The following ADAM32 variants were observed in gnomAD, a reference collection of about 807,000 sequenced individuals.
ADAM32 encodes ADAM metallopeptidase domain 32, also known as disintegrin and metalloproteinase domain-containing protein 32.
ADAM32 carries 89 observed loss-of-function variants against 114.9 expected under a neutral mutation model. The observed-to-expected ratio is 0.77, with a 90% CI of 0.65 to 0.92. The LOEUF (loss-of-function observed/expected upper bound fraction) is 0.92. Among genes scored for constraint, ADAM32 ranks in the 40% least tolerant of loss-of-function variants. ADAM32 has a pLI of 0.00. For synonymous variants in ADAM32, 285 were observed against 307.5 expected (o/e 0.93, Z 0.77); for missense variants, 870 against 932.8 (o/e 0.93, Z 0.88).
chr8:39,188,379 G>A (rs925828220), intron 11 of ADAM32, among the ~76,000 whole-genome samples: 1 of 151,778 alleles, frequency 6.6e-6, no homozygotes, highest in African/African-American at 2.4e-5. Flanking sequence ...CTATCTGTCT[G>A]TCTGTCTGTC....
At chr8:39,247,778 GTT>G (rs34655354) in intron 17 of ADAM32, among the ~76,000 whole-genome samples, 19 of 139,594 alleles carry the variant, frequency 1.4e-4, no homozygotes, top group Middle Eastern at 3.7e-3. Context: ...GGTCATCCAG[GTT>G]TTTTTTTTTT....
intron 11 of ADAM32, among the ~76,000 whole-genome samples, chr8:39,208,232 A>C (rs74919334): frequency 6.6e-6 from 1 of 151,968 alleles, no homozygotes; most frequent in East Asian, 1.9e-4. Flanking sequence ...ATAGTGTGTA[A>C]TTTTTTGTCT....
intron 15 of ADAM32, among the ~76,000 whole-genome samples, chr8:39,233,520 G>T (rs1010241734): frequency 7.2e-5 from 11 of 152,078 alleles, no homozygotes; most frequent in African/African-American, 2.7e-4. Context: ...AATTTGACTG[G>T]CCTCTTTATC....
At chr8:39,233,792 T>C in intron 15 of ADAM32, 107 bp from the exon 16 acceptor site, 1 of 725,774 alleles carries the variant, frequency 1.4e-6, no homozygotes. Context: ...TGTAAGTACA[T>C]TGCCATAAGT....
At chr8:39,207,360 A>G (rs968156530) in intron 11 of ADAM32, among the ~76,000 whole-genome samples, 2 of 152,000 alleles carry the variant, frequency 1.3e-5, no homozygotes, top group Admixed American at 1.3e-4. Flanking sequence ...TGATAATTTG[A>G]TTTATATATA....
chr8:39,119,286 T>TAA, intron 2 of ADAM32, among the ~76,000 whole-genome samples: 1 of 152,366 alleles, frequency 6.6e-6, no homozygotes, highest in East Asian at 1.9e-4. Flanking sequence ...TAGAAACTGC[T>TAA]ACACTGTTTT....
At chr8:39,194,736 G>A (rs1445002093) in intron 11 of ADAM32, among the ~76,000 whole-genome samples, 1 of 152,170 alleles carries the variant, frequency 6.6e-6, no homozygotes, top group Admixed American at 6.5e-5. Flanking sequence ...AGGTCAGACT[G>A]GCCCCATCTC....
At chr8:39,171,858 T>C (rs1805223699) in intron 10 of ADAM32, among the ~76,000 whole-genome samples, 1 of 151,192 alleles carries the variant, frequency 6.6e-6, no homozygotes. Flanking sequence ...TATCTATATA[T>C]ATGTTAAACA....
At chr8:39,225,004 C>T (rs1411645472) in intron 14 of ADAM32, among the ~76,000 whole-genome samples, 1 of 152,180 alleles carries the variant, frequency 6.6e-6, no homozygotes, top group Non-Finnish European at 1.5e-5. Context: ...TCTCCAGTGG[C>T]CTCTGCAGAG....
rs1811713448 is a variant in ADAM32, at chr8:39,257,297, C to G, written c.2116C>G (p.Gln706Glu). 6.2e-7 allele frequency: 1 copy of G among 1,613,048 alleles called. No individual in the cohort carries two copies. The highest frequency in any genetic ancestry group is 8.5e-7 in the Non-Finnish European group (1 of 1,179,420). Reference sequence around the variant, plus strand: ...AACCGCAATAGTTTTGGCAAGGAAACAGTTGAAAAAGTGGTTCGCCAAGGA... The same window carrying G: ...AACCGCAATAGTTTTGGCAAGGAAAGAGTTGAAAAAGTGGTTCGCCAAGGA... ...VTTAIVLARK[Q>E]LKKWFAKEEE... Residue 706 changes from glutamine (Q) to glutamate (E), a missense_variant, in exon 19 of 25, where the codon CAG becomes GAG. Transcript: ENST00000379907.
intron 6 of ADAM32, among the ~76,000 whole-genome samples, chr8:39,155,393 G>A (rs754437973): frequency 6.6e-6 from 1 of 152,192 alleles, no homozygotes; most frequent in Non-Finnish European, 1.5e-5. Flanking sequence ...GGCAATAATG[G>A]TAGTAACAGA....
At chr8:39,210,180 G>C (rs1808115533) in intron 11 of ADAM32, among the ~76,000 whole-genome samples, 1 of 152,178 alleles carries the variant, frequency 6.6e-6, no homozygotes, top group Non-Finnish European at 1.5e-5. Context: ...TCAGCCTGGT[G>C]CTGTGTTTTA....
At chr8:39,239,217 A>G (rs954405551) in intron 16 of ADAM32, among the ~76,000 whole-genome samples, 2 of 152,188 alleles carry the variant, frequency 1.3e-5, no homozygotes, top group Admixed American at 1.3e-4. Context: ...TTAACAGCAG[A>G]TTTCTCAGCA....
intron 19 of ADAM32, among the ~76,000 whole-genome samples, chr8:39,258,913 T>C (rs1447809921): frequency 6.6e-6 from 1 of 152,212 alleles, no homozygotes; most frequent in Non-Finnish European, 1.5e-5. Flanking sequence ...TTACTAATAA[T>C]ATCTTAAATA....
intron 16 of ADAM32, among the ~76,000 whole-genome samples, chr8:39,244,930 C>T (rs1210794983): frequency 6.6e-6 from 1 of 152,118 alleles, no homozygotes; most frequent in Non-Finnish European, 1.5e-5. Context: ...AAAAACTCTT[C>T]TAGATATTGT....
chr8:39,230,794 T>G (rs143758042), intron 14 of ADAM32, among the ~76,000 whole-genome samples: 115 of 152,272 alleles, frequency 7.6e-4, no homozygotes, highest in Non-Finnish European at 1.1e-3. Context: ...AGAAACTTTC[T>G]TGATCTTGAA....
intron 10 of ADAM32, among the ~76,000 whole-genome samples, chr8:39,173,342 T>C (rs1217322518): frequency 6.6e-6 from 1 of 152,224 alleles, no homozygotes; most frequent in Non-Finnish European, 1.5e-5. Context: ...TGTTGTTTCT[T>C]GACTTTTTAA....
intron 11 of ADAM32, among the ~76,000 whole-genome samples, chr8:39,199,313 G>A (rs1008635223): frequency 6.6e-6 from 1 of 151,896 alleles, no homozygotes; most frequent in African/African-American, 2.4e-5. Context: ...ATGCCTTTAC[G>A]TCTCTTCTCC....
At chr8:39,217,117 A>AT (rs111413240) in intron 12 of ADAM32, among the ~76,000 whole-genome samples, 33,956 of 150,436 alleles carry the variant, frequency 0.23, 4,237 homozygotes, top group Non-Finnish European at 0.27. Context: ...ATATATATAT[A>AT]TTTTTTTACC....
Sources: gnomAD v4.1 joint callset for allele counts (sites outside exome capture counted in the v4.1 genomes callset) on GRCh38, gnomAD v4.1.1 for gene constraint, MANE v1.5 for transcripts, NCBI Gene and HGNC (gene_info 2026-07-23, HGNC 2026-07-21) for gene names.